Variants in PLXDC2 observed in about 807,000 individuals in gnomAD.
PLXDC2 encodes plexin domain-containing protein 2.
A neutral mutation model predicts 68.9 loss-of-function variants in PLXDC2; 40 were observed. The observed-to-expected ratio is 0.58, with a 90% CI of 0.45 to 0.76. The LOEUF (loss-of-function observed/expected upper bound fraction) is 0.76, where lower values mean the gene tolerates loss of function less well. Among genes scored for constraint, PLXDC2 ranks in the 30% least tolerant of loss-of-function variants. PLXDC2 has a pLI of 0.00. For synonymous variants in PLXDC2, 243 were observed against 234.2 expected (o/e 1.04, Z -0.34); for missense variants, 644 against 661.9 (o/e 0.97, Z 0.30).
rs1836198031 is a variant in PLXDC2, at chr10:20,289,178, A to G, written c.*9359A>G. 1 of 152,176 alleles carries G rather than the reference A, an allele frequency of 6.6e-6. No individual in the cohort carries two copies. Among genetic ancestry groups the G allele is most frequent in the Non-Finnish European group, 1.5e-5 (1 of 68,034 alleles). The allele number at this position is 152,176 out of a possible 1,614,324, so 9.4% of individuals were successfully genotyped here. A position where few individuals can be genotyped will look rare whatever the true frequency, so the allele number is the denominator to read the frequency against. On this transcript the variant is annotated 3_prime_UTR_variant, in exon 14 of 14. Coordinates refer to ENST00000377252, the MANE Select transcript of PLXDC2 (RefSeq NM_032812.9). Reference sequence around the variant, plus strand: ...AGGCACAAGGCTGATGGCAAGATAGAAAGTTATTTTGCTTCTAAACCCACC... The same window carrying G: ...AGGCACAAGGCTGATGGCAAGATAGGAAGTTATTTTGCTTCTAAACCCACC...
intron 1 of PLXDC2, among the ~76,000 whole-genome samples, chr10:19,908,894 G>A (rs1000688218): frequency 2.0e-5 from 3 of 152,094 alleles, no homozygotes; most frequent in Non-Finnish European, 4.4e-5. Context: ...TCTTTGCTGA[G>A]CATTGCTATA....
At chr10:20,090,355 T>G (rs975851090) in intron 4 of PLXDC2, among the ~76,000 whole-genome samples, 4 of 152,106 alleles carry the variant, frequency 2.6e-5, no homozygotes, top group African/African-American at 9.7e-5. Flanking sequence ...GAAATGGTAA[T>G]AGAGGATTAG....
At chr10:19,839,071 A>G (rs1836854768) in intron 1 of PLXDC2, among the ~76,000 whole-genome samples, 1 of 152,022 alleles carries the variant, frequency 6.6e-6, no homozygotes, top group South Asian at 2.1e-4. Flanking sequence ...CTGTAATGCC[A>G]GCTACTCAGG....
rs369592914 is a variant in PLXDC2 at position 19,959,399 on chromosome 10, C to T, written c.113-42376C>T. The stretch of plus-strand genomic sequence containing the variant: ...AACTTTACCTTTTGATAAAAAGCTA[C>T]TAAAAAATAATTCATCACTGAAAAG... On this transcript the variant is annotated intron_variant, in intron 1 of 13. Transcript: ENST00000377252. Among the ~76,000 whole-genome samples the T allele has an allele frequency of 1.3e-4, 20 of 152,208 alleles. No individual in the cohort carries two copies. The East Asian group carries it at 3.7e-3, about 28-fold the overall frequency.
At chr10:19,939,016 A>G (rs1833772607) in intron 1 of PLXDC2, among the ~76,000 whole-genome samples, 1 of 152,224 alleles carries the variant, frequency 6.6e-6, no homozygotes, top group African/African-American at 2.4e-5. Context: ...TCTGAACTTC[A>G]GAGCCAGTTG....
intron 1 of PLXDC2, among the ~76,000 whole-genome samples, chr10:19,932,427 G>A (rs986383177): frequency 3.9e-5 from 6 of 152,114 alleles, no homozygotes; most frequent in African/African-American, 1.4e-4. Flanking sequence ...GGGTGACAAG[G>A]CTTGAAATAT....
At chr10:19,869,231 A>G (rs1445671621) in intron 1 of PLXDC2, among the ~76,000 whole-genome samples, 2 of 151,966 alleles carry the variant, frequency 1.3e-5, no homozygotes, top group African/African-American at 4.8e-5. Context: ...ACCTCGTCTC[A>G]CAAAAAGTAT....
At chr10:20,196,765 T>G (rs1164840324) in intron 9 of PLXDC2, among the ~76,000 whole-genome samples, 1 of 152,214 alleles carries the variant, frequency 6.6e-6, no homozygotes, top group Non-Finnish European at 1.5e-5. Context: ...TAACAGACAA[T>G]TGTTGAACAC....
In PLXDC2 at chr10:20,176,985, CCT is replaced by C. The variant is rs1834535908; in HGVS notation, c.884-13_884-12del. 6.4e-7 allele frequency: 1 copy of C among 1,557,624 alleles called. No individual in the cohort carries two copies. Among genetic ancestry groups the C allele is most frequent in the Non-Finnish European group, 8.7e-7 (1 of 1,145,560 alleles). ...GAAAGGTTAAAAATTGATTTTTTTT[CCT>C]TTTTTTTCTAGATGTTCGAAGAAGA... On this transcript the variant is annotated splice_polypyrimidine_tract_variant and intron_variant, in intron 7 of 13. Transcript: ENST00000377252.
chr10:20,110,760 C>G (rs1223094517), intron 4 of PLXDC2, among the ~76,000 whole-genome samples: 2 of 152,188 alleles, frequency 1.3e-5, no homozygotes, highest in Non-Finnish European at 2.9e-5. Context: ...TCTAGTTCAT[C>G]AATCTTTCTA....
chr10:19,971,749 G>T (rs1006658901), intron 1 of PLXDC2, among the ~76,000 whole-genome samples: 1 of 152,004 alleles, frequency 6.6e-6, no homozygotes, highest in Non-Finnish European at 1.5e-5. Flanking sequence ...ATGAAGCAAT[G>T]TGTCTGATCA....
intron 4 of PLXDC2, among the ~76,000 whole-genome samples, chr10:20,079,843 A>G (rs936508384): frequency 6.6e-6 from 1 of 152,184 alleles, no homozygotes; most frequent in African/African-American, 2.4e-5. Flanking sequence ...TACAGGGCTT[A>G]AAACCTAGAT....
chr10:19,942,221 A>T (rs1257996468), intron 1 of PLXDC2, among the ~76,000 whole-genome samples: 2 of 152,158 alleles, frequency 1.3e-5, no homozygotes, highest in African/African-American at 4.8e-5. Flanking sequence ...TGAAAAGAAA[A>T]GATTGTCCAG....
chr10:20,230,693 C>CAAAAAAAAAAAAAAAAAAAA (rs1191613913), intron 12 of PLXDC2, among the ~76,000 whole-genome samples: 4 of 37,802 alleles, frequency 1.1e-4, no homozygotes, highest in Non-Finnish European at 2.0e-4. Context: ...GACCTTGTCT[C>CAAAAAAAAAAAAAAAAAAAA]AAAAAAAAAA....
intron 13 of PLXDC2, among the ~76,000 whole-genome samples, chr10:20,276,143 T>G (rs549575451): frequency 1.3e-5 from 2 of 152,276 alleles, no homozygotes; most frequent in South Asian, 4.1e-4. Flanking sequence ...AGTGCCATTA[T>G]GTACCACAGG....
intron 2 of PLXDC2, among the ~76,000 whole-genome samples, chr10:20,005,107 G>C (rs17760485): frequency 6.6e-6 from 1 of 152,022 alleles, no homozygotes; most frequent in Admixed American, 6.5e-5. Context: ...AACCCTGCTG[G>C]TATTCAAATG....
chr10:19,963,958 C>A (rs896291390), intron 1 of PLXDC2, among the ~76,000 whole-genome samples: 4 of 152,078 alleles, frequency 2.6e-5, no homozygotes, highest in African/African-American at 9.7e-5. Context: ...CTTCTACATG[C>A]AGTGATTCTA....
chr10:20,135,810 A>C (rs943949902), intron 4 of PLXDC2, among the ~76,000 whole-genome samples: 6 of 152,178 alleles, frequency 3.9e-5, no homozygotes, highest in Non-Finnish European at 8.8e-5. Context: ...AAAATTAAGA[A>C]GTCTATGACA....
At chr10:19,910,129 A>G (rs993089606) in intron 1 of PLXDC2, among the ~76,000 whole-genome samples, 16 of 151,494 alleles carry the variant, frequency 1.1e-4, no homozygotes, top group Non-Finnish European at 1.3e-4. Context: ...CACGAACCCC[A>G]GGGACAGGAC....
Sources: gnomAD v4.1 joint callset for allele counts (sites outside exome capture counted in the v4.1 genomes callset) on GRCh38, gnomAD v4.1.1 for gene constraint, MANE v1.5 for transcripts, NCBI Gene and HGNC (gene_info 2026-07-23, HGNC 2026-07-21) for gene names.